Variants in NEK11 observed in about 807,000 individuals in gnomAD.
The protein encoded by NEK11 is serine/threonine-protein kinase Nek11.
A neutral mutation model predicts 80.7 loss-of-function variants in NEK11; 72 were observed. The observed-to-expected ratio is 0.89, with a 90% CI of 0.74 to 1.08. The LOEUF (loss-of-function observed/expected upper bound fraction) is 1.08. NEK11 is among the 50% of genes least tolerant of loss of function. The pLI, the probability that NEK11 is intolerant of heterozygous loss-of-function variation, is 0.00. For missense variants in NEK11, 764 were observed against 763.6 expected, an observed-to-expected ratio of 1.00 and a Z score of -0.01; for synonymous variants, 251 against 260.7, an observed-to-expected ratio of 0.96 and a Z score of 0.36.
intron 17 of NEK11, among the ~76,000 whole-genome samples, chr3:131,333,573 C>A (rs1313712414): frequency 2.6e-5 from 4 of 152,010 alleles, no homozygotes; most frequent in East Asian, 1.9e-4. Flanking sequence ...CGAGCAAAAT[C>A]ACCAGCTAAC....
chr3:131,108,822 G>T (rs139619750), intron 4 of NEK11, among the ~76,000 whole-genome samples: 9 of 152,110 alleles, frequency 5.9e-5, no homozygotes, highest in African/African-American at 1.9e-4. Flanking sequence ...CTATAGCTAC[G>T]TAGAGGAAAG....
chr3:131,047,645 C>T (rs948478880), intron 3 of NEK11, among the ~76,000 whole-genome samples: 2 of 152,208 alleles, frequency 1.3e-5, no homozygotes, highest in African/African-American at 4.8e-5. Flanking sequence ...AGTCTCTCAG[C>T]CCTGGATCCC....
At chr3:131,304,609 T>G (rs1478872507) in intron 17 of NEK11, among the ~76,000 whole-genome samples, 4 of 152,166 alleles carry the variant, frequency 2.6e-5, no homozygotes, top group Non-Finnish European at 4.4e-5. Flanking sequence ...GGAGTTTGAT[T>G]GTGGTACAGG....
chr3:131,178,949 G>A (rs557210570), intron 14 of NEK11, among the ~76,000 whole-genome samples: 2 of 152,336 alleles, frequency 1.3e-5, no homozygotes, highest in African/African-American at 4.8e-5. Context: ...TGTACTTTAA[G>A]ATTGTTATGG....
At chr3:131,191,703 A>T (rs528148999) in intron 14 of NEK11, among the ~76,000 whole-genome samples, 97 of 152,300 alleles carry the variant, frequency 6.4e-4, no homozygotes, top group African/African-American at 2.3e-3. Context: ...GATAAAAAAA[A>T]TACAATGTTT....
intron 14 of NEK11, among the ~76,000 whole-genome samples, chr3:131,221,834 G>A (rs989205744): frequency 6.6e-6 from 1 of 152,138 alleles, no homozygotes; most frequent in African/African-American, 2.4e-5. Context: ...GTTTCCAGAC[G>A]AGTGGCATAG....
intron 14 of NEK11, among the ~76,000 whole-genome samples, chr3:131,171,941 G>T (rs1017512927): frequency 6.6e-6 from 1 of 152,170 alleles, no homozygotes; most frequent in Admixed American, 6.5e-5. Flanking sequence ...CAATTGCAAC[G>T]TTACTTTTAG....
chr3:131,310,073 A>G (rs1161011701), intron 17 of NEK11, among the ~76,000 whole-genome samples: 2 of 151,534 alleles, frequency 1.3e-5, no homozygotes, highest in African/African-American at 4.8e-5. Context: ...TTTCTATCGA[A>G]AAAAAAGACA....
rs370422392 is a variant in NEK11, at chr3:131,228,632, C to G, written c.1504C>G (p.Pro502Ala). Residue 502 changes from proline (P) to alanine (A), a missense_variant, in exon 15 of 18, where the codon CCA becomes GCA. By Grantham distance (27) the Pro-to-Ala change is conservative. Transcript: ENST00000383366. ...EEEEEIALER[P>A]EKEIRNEGSQ... is the part of the protein sequence containing the mutation. ...GGAAGAAGAAATAGCGTTAGAAAGA[C>G]CAGAGAAAGAAATCAGGAATGAGGG... is the stretch of plus-strand genomic sequence containing the variant. 6.2e-7 allele frequency: 1 copy of G among 1,613,454 alleles called. No individual in the cohort carries two copies. Among genetic ancestry groups the G allele is most frequent in the African/African-American group, 1.3e-5 (1 of 74,830 alleles).
At chr3:131,336,835 A>G (rs2097193753) in intron 17 of NEK11, among the ~76,000 whole-genome samples, 2 of 152,266 alleles carry the variant, frequency 1.3e-5, no homozygotes, top group African/African-American at 4.8e-5. Flanking sequence ...AAAAGAAGAC[A>G]TTTATGCAGC....
chr3:131,108,704 T>C (rs1482179860), intron 4 of NEK11, among the ~76,000 whole-genome samples: 1 of 152,094 alleles, frequency 6.6e-6, no homozygotes, highest in African/African-American at 2.4e-5. Context: ...TAAGTATTAT[T>C]ATTTTACTTA....
intron 7 of NEK11, among the ~76,000 whole-genome samples, chr3:131,142,128 A>T (rs1178378132): frequency 6.6e-6 from 1 of 152,194 alleles, no homozygotes; most frequent in Non-Finnish European, 1.5e-5. Flanking sequence ...CATGGACAAT[A>T]CAGTGCTAGA....
At chr3:131,256,178 T>C (rs2108382029) in intron 16 of NEK11, among the ~76,000 whole-genome samples, 1 of 152,290 alleles carries the variant, frequency 6.6e-6, no homozygotes, top group African/African-American at 2.4e-5. Context: ...TATCATATTG[T>C]ACATTTCAAA....
chr3:131,248,556 G>A (rs1290532292), intron 16 of NEK11, among the ~76,000 whole-genome samples: 2 of 152,050 alleles, frequency 1.3e-5, no homozygotes, highest in Non-Finnish European at 2.9e-5. Flanking sequence ...GGGCTGGTGA[G>A]GGACAAGGTG....
At chr3:131,292,831 G>A (rs749483357) in intron 17 of NEK11, among the ~76,000 whole-genome samples, 3 of 151,886 alleles carry the variant, frequency 2.0e-5, no homozygotes, top group Admixed American at 1.3e-4. Flanking sequence ...ATTTATACCT[G>A]TTTCATTTTG....
intron 16 of NEK11, 53 bp downstream of exon 16, chr3:131,243,549 G>A (rs2095550388): frequency 2.1e-6 from 3 of 1,421,180 alleles, no homozygotes; most frequent in Middle Eastern, 1.8e-4. Flanking sequence ...TGATTATCTT[G>A]GAATAACTTG....
intron 10 of NEK11, among the ~76,000 whole-genome samples, chr3:131,157,425 T>C (rs747825885): frequency 2.6e-4 from 40 of 152,320 alleles, no homozygotes; most frequent in Non-Finnish European, 5.0e-4. Flanking sequence ...AAAAAGTTTG[T>C]GTATTCTTGA....
At chr3:131,151,986 T>C (rs2089725639) in intron 7 of NEK11, among the ~76,000 whole-genome samples, 1 of 152,188 alleles carries the variant, frequency 6.6e-6, no homozygotes, top group South Asian at 2.1e-4. Context: ...AAATTAAAAT[T>C]ATATTTTGCA....
At chr3:131,152,602 A>C (rs758831166) in intron 8 of NEK11, 29 bp from the exon 9 acceptor site, 2 of 1,608,466 alleles carry the variant, frequency 1.2e-6, no homozygotes, top group South Asian at 1.1e-5. Flanking sequence ...AGTTTACCTG[A>C]AAAATAATTT....
Sources: gnomAD v4.1 joint callset for allele counts (sites outside exome capture counted in the v4.1 genomes callset) on GRCh38, gnomAD v4.1.1 for gene constraint, MANE v1.5 for transcripts, NCBI Gene and HGNC (gene_info 2026-07-23, HGNC 2026-07-21) for gene names.